CACNB2: variants seen among roughly 807,000 people sequenced by gnomAD.
CACNB2 encodes the protein calcium voltage-gated channel auxiliary subunit beta 2.
A neutral mutation model predicts 73.3 loss-of-function variants in CACNB2; 42 were observed. The ratio of observed to expected loss-of-function variants is 0.57; its 90% CI spans 0.45 to 0.74. The LOEUF is 0.74. CACNB2 is among the 30% of genes least tolerant of loss of function. The probability of loss-of-function intolerance (pLI) is 0.00; values close to 1 mark genes in which losing one functional copy is unlikely to be tolerated. For missense variants in CACNB2, 940 were observed against 853.0 expected, an observed-to-expected ratio of 1.10 and a Z score of -1.27; for synonymous variants, 348 against 310.3, an observed-to-expected ratio of 1.12 and a Z score of -1.28.
At chr10:18,223,539 A>C (rs972963759) in intron 2 of CACNB2, among the ~76,000 whole-genome samples, 4 of 152,172 alleles carry the variant, frequency 2.6e-5, no homozygotes, top group African/African-American at 9.7e-5. Context: ...AGTAGTTTTT[A>C]ATACTTATGC....
At chr10:18,370,127 T>G (rs1254507028) in intron 2 of CACNB2, among the ~76,000 whole-genome samples, 1 of 152,208 alleles carries the variant, frequency 6.6e-6, no homozygotes, top group Non-Finnish European at 1.5e-5. Context: ...GCCTGGTTAT[T>G]GAGCACTTGA....
intron 3 of CACNB2, among the ~76,000 whole-genome samples, chr10:18,428,116 T>C (rs2045699213): frequency 6.6e-6 from 1 of 152,174 alleles, no homozygotes; most frequent in African/African-American, 2.4e-5. Context: ...GAGTTATCTA[T>C]AAGTGTGCTA....
chr10:18,415,506 T>A (rs1389870945), intron 3 of CACNB2, among the ~76,000 whole-genome samples: 4 of 151,080 alleles, frequency 2.6e-5, no homozygotes, highest in Non-Finnish European at 5.9e-5. Context: ...AAAAGCATTA[T>A]GAGCCAAATG....
intron 2 of CACNB2, among the ~76,000 whole-genome samples, chr10:18,269,594 C>T (rs1277743): frequency 0.2 from 30,726 of 152,118 alleles, 3,441 homozygotes; most frequent in South Asian, 0.3. Flanking sequence ...TCTGCACATA[C>T]GCTGATAGCT....
intron 2 of CACNB2, among the ~76,000 whole-genome samples, chr10:18,348,419 A>T (rs77485022): frequency 6.6e-6 from 1 of 152,216 alleles, no homozygotes; most frequent in African/African-American, 2.4e-5. Context: ...CAAGGTGGTT[A>T]TATGGGCTAA....
chr10:18,264,851 G>T (rs1249744492), intron 2 of CACNB2, among the ~76,000 whole-genome samples: 3 of 152,142 alleles, frequency 2.0e-5, no homozygotes. Flanking sequence ...ATGCCATATT[G>T]TGAATGTTTA....
intron 13 of CACNB2, 125 bp from the exon 14 acceptor site, chr10:18,539,105 T>C: frequency 8.5e-7 from 1 of 1,171,214 alleles, no homozygotes; most frequent in South Asian, 1.2e-5. Flanking sequence ...GGGATGAAGC[T>C]AGGTTAGACT....
In CACNB2 at chr10:18,181,562, T is replaced by TTTTTATTTTATTTTA. The variant is rs147509760; in HGVS notation, c.213+30642_213+30656dup. ...AGAGTTTTGAAATTTGAGGATAACT[T>TTTTTATTTTATTTTA]TTTTATTTTATTTTATTTTATTTTA... On this transcript the variant is annotated intron_variant, in intron 2 of 13. Transcript: ENST00000324631. Among the ~76,000 whole-genome samples, 588 of 113,548 alleles carry TTTTTATTTTATTTTA rather than the reference T, an allele frequency of 5.2e-3. 12 individuals carry two copies. The highest frequency in any genetic ancestry group is 8.1e-3 in the South Asian group (25 of 3,072). The allele number at this position is 113,548 out of a possible 152,430, so 74.5% of individuals were successfully genotyped here.
rs536792456 is a variant in CACNB2 at position 18,543,405 on chromosome 10, G to A, written c.*3681G>A. On this transcript the variant is annotated 3_prime_UTR_variant, in exon 14 of 14. Coordinates refer to ENST00000324631, the MANE Select transcript of CACNB2 (RefSeq NM_201596.3). ...GGATCAAGAGTTTAATTTCTGCTGC[G>A]CTGTACTTTTAACTATTTGTACTTT... 4 of 152,108 alleles carry A rather than the reference G, an allele frequency of 2.6e-5. No individual in the cohort carries two copies. Among genetic ancestry groups the A allele is most frequent in the African/African-American group, 4.8e-5 (2 of 41,428 alleles). The allele number at this position is 152,108 out of a possible 1,614,324, so 9.4% of individuals were successfully genotyped here.
In CACNB2 at chr10:18,408,331, C is replaced by T. The variant is rs558789776; in HGVS notation, c.333+6288C>T. Among the ~76,000 whole-genome samples, 460 of 149,746 alleles carry T rather than the reference C, an allele frequency of 3.1e-3. 1 individual carries two copies. The highest frequency in any genetic ancestry group is 5.5e-3 in the Non-Finnish European group (373 of 67,702). On this transcript the variant is annotated intron_variant, in intron 3 of 13. Transcript: ENST00000324631. ...TCAGCCCACTGCAGCCTCTTCCTCC[C>T]GGGTTCAGGCAATTCTCCTGCCTCA...
At chr10:18,426,512 A>G (rs896514144) in intron 3 of CACNB2, among the ~76,000 whole-genome samples, 2 of 152,178 alleles carry the variant, frequency 1.3e-5, no homozygotes, top group South Asian at 2.1e-4. Flanking sequence ...TCTATCAGAC[A>G]TAGATAGGAC....
chr10:18,165,635 T>A (rs2032800945), intron 2 of CACNB2, among the ~76,000 whole-genome samples: 1 of 152,224 alleles, frequency 6.6e-6, no homozygotes, highest in Non-Finnish European at 1.5e-5. Context: ...ACAGGTAGTA[T>A]ACCTGCAATA....
In CACNB2 at chr10:18,538,279, A is replaced by C; in HGVS notation, c.1402A>C (p.Ser468Arg). 6.2e-7 allele frequency: 1 copy of C among 1,614,158 alleles called. No individual in the cohort carries two copies. Among genetic ancestry groups the C allele is most frequent in the Non-Finnish European group, 8.5e-7 (1 of 1,180,002 alleles). ...EAYWKATHPPSSSLPNPLLSR... is the reference protein window; with the variant it reads ...EAYWKATHPPRSSLPNPLLSR... ...CTACTGGAAGGCCACCCATCCTCCC[A>C]GCAGTAGCCTCCCCAACCCTCTCCT... Residue 468 changes from serine (S) to arginine (R), a missense_variant, in exon 13 of 14, where the codon AGC (serine) becomes CGC (arginine). Physicochemically the swap from Ser to Arg is moderately radical, Grantham distance 110 (BLOSUM62 -1). Transcript: ENST00000324631.
chr10:18,475,157 C>T (rs185814309), intron 3 of CACNB2, among the ~76,000 whole-genome samples: 25 of 151,568 alleles, frequency 1.6e-4, no homozygotes, highest in Admixed American at 9.3e-4. Context: ...TATCTAGGTA[C>T]GCCACCCTTC....
At chr10:18,234,882 G>T (rs557456105) in intron 2 of CACNB2, among the ~76,000 whole-genome samples, 104 of 152,272 alleles carry the variant, frequency 6.8e-4, no homozygotes, top group African/African-American at 2.5e-3. Flanking sequence ...GGTGACTCAC[G>T]CCTGTAATCC....
At chr10:18,299,959 G>A (rs574260280) in intron 2 of CACNB2, among the ~76,000 whole-genome samples, 6 of 151,672 alleles carry the variant, frequency 4.0e-5, no homozygotes, top group African/African-American at 7.3e-5. Context: ...CTAAATTTCC[G>A]ACCCTGTTCT....
chr10:18,177,758 T>G (rs1203963285), intron 2 of CACNB2, among the ~76,000 whole-genome samples: 1 of 152,188 alleles, frequency 6.6e-6, no homozygotes, highest in East Asian at 1.9e-4. Context: ...AATTTTGCAT[T>G]CTTCTCTTGC....
At chr10:18,214,036 C>T (rs1295110758) in intron 2 of CACNB2, among the ~76,000 whole-genome samples, 1 of 152,086 alleles carries the variant, frequency 6.6e-6, no homozygotes, top group Admixed American at 6.6e-5. Flanking sequence ...ACAGAAGATT[C>T]CCAGTTTACT....
chr10:18,299,061 G>C (rs1182180937), intron 2 of CACNB2, among the ~76,000 whole-genome samples: 4 of 49,244 alleles, frequency 8.1e-5, no homozygotes, highest in Non-Finnish European at 1.7e-4. Flanking sequence ...AAAACTTAAA[G>C]TATACTAAAA....
Sources: allele counts gnomAD v4.1 joint callset (sites outside exome capture counted in the v4.1 genomes callset), GRCh38; gene constraint gnomAD v4.1.1; transcripts MANE v1.5; gene names NCBI Gene and HGNC (gene_info 2026-07-23, HGNC 2026-07-21).